Variants in SIN3A observed in about 807,000 individuals in gnomAD.
The protein encoded by SIN3A is SIN3 transcription regulator family member A.
SIN3A carries 14 observed loss-of-function variants against 146.1 expected under a neutral mutation model. That is an observed-to-expected ratio of 0.10 (90% CI 0.06 to 0.15). The LOEUF is 0.15. SIN3A is among the 10% of genes least tolerant of loss of function. SIN3A has a pLI of 1.00. For synonymous variants in SIN3A, 572 were observed against 572.0 expected, an observed-to-expected ratio of 1.00 and a Z score of 0.00; for missense variants, 1,028 against 1,576.0, an observed-to-expected ratio of 0.65 and a Z score of 5.89.
intron 6 of SIN3A, 86 bp from the exon 7 acceptor site, chr15:75,410,372 T>A (rs542059644): frequency 2.3e-6 from 3 of 1,305,992 alleles, no homozygotes; most frequent in Non-Finnish European, 3.2e-6. Context: ...CACTGTTATC[T>A]ATTTAGGCTG....
rs183193797 is a variant in SIN3A, at chr15:75,378,146, C to T, written c.3384-2274G>A. Among the ~76,000 whole-genome samples the T allele has an allele frequency of 3.9e-5, 6 of 152,120 alleles. No individual in the cohort carries two copies. The East Asian group carries it at 7.7e-4, about 20-fold the overall frequency. On this transcript the variant is annotated intron_variant, in intron 19 of 20. Transcript: ENST00000394947. ...AACTTATTTTCCAAATAGCCAATTG[C>T]GTAAAGTTACAAAATCATAGAGGAA...
chr15:75,444,789 A>G (rs952912314), intron 1 of SIN3A, among the ~76,000 whole-genome samples: 4 of 152,218 alleles, frequency 2.6e-5, no homozygotes, highest in African/African-American at 7.2e-5. Flanking sequence ...ATTGTTATCA[A>G]TGTTGATTTT....
chr15:75,454,745 A>T (rs570533937), upstream of SIN3A, among the ~76,000 whole-genome samples: 1 of 150,684 alleles, frequency 6.6e-6, no homozygotes, highest in South Asian at 2.1e-4. Flanking sequence ...GGGAAGGGGG[A>T]GCCCGGCGGC....
chr15:75,433,296 G>A (rs1300142892), intron 1 of SIN3A, among the ~76,000 whole-genome samples: 2 of 152,168 alleles, frequency 1.3e-5, no homozygotes, highest in African/African-American at 4.8e-5. Flanking sequence ...CTACATTAGT[G>A]ATTTCCAAAT....
upstream of SIN3A, chr15:75,454,971 G>C (rs2074467387): frequency 6.6e-6 from 1 of 152,182 alleles, no homozygotes; most frequent in South Asian, 2.1e-4. Flanking sequence ...GCCACGGCCA[G>C]GGAGTTTGGA....
rs550081730 is a variant in SIN3A, at chr15:75,370,308, T to C, written c.*1671A>G. On this transcript the variant is annotated 3_prime_UTR_variant, in exon 21 of 21. Transcript: ENST00000394947. ...AAAATCCAGGAGCCAAAAAATTTTGTTTTTCTTTTTGGTGGTGGTGGTGAT... is the reference window on the plus strand; with the variant it reads ...AAAATCCAGGAGCCAAAAAATTTTGCTTTTCTTTTTGGTGGTGGTGGTGAT... 2.0e-4 allele frequency: 31 copies of C among 152,140 alleles called. No homozygotes were observed. Among genetic ancestry groups the C allele is most frequent in the African/African-American group, 7.5e-4 (31 of 41,436 alleles). The allele number at this position is 152,140 out of a possible 1,614,324, so 9.4% of individuals were successfully genotyped here. A position where few individuals can be genotyped will look rare whatever the true frequency, so the allele number is the denominator to read the frequency against.
chr15:75,380,474 T>C (rs1476396239), intron 19 of SIN3A, among the ~76,000 whole-genome samples, 155 bp downstream of exon 19: 1 of 152,188 alleles, frequency 6.6e-6, no homozygotes, highest in East Asian at 1.9e-4. Context: ...GGTAAGCTCA[T>C]GTTGTGACAG....
In SIN3A at chr15:75,384,191, A is replaced by C. The variant is rs533972731; in HGVS notation, c.3195+73T>G. 752 of 1,295,826 alleles carry C rather than the reference A, an allele frequency of 5.8e-4. 13 individuals carry two copies. In the South Asian group the frequency reaches 1.0e-2, roughly 17 times the overall value. 80.3% of individuals were successfully genotyped at this position (1,295,826 alleles called of 1,614,324 possible). ...CACAGGTCAAAGTACCCCGGCTTTA[A>C]CTTCTGGTTCAGAGAATCCTAACAA... On this transcript the variant is annotated intron_variant, in intron 17 of 20. Coordinates refer to ENST00000394947, the MANE Select transcript of SIN3A (RefSeq NM_001145358.2).
At position 75,394,730 on chromosome 15, in the gene SIN3A, C is replaced by G; in HGVS notation, c.2227G>C (p.Val743Leu). Reference sequence around the variant, plus strand: ...TTGAGTAAGCTCTTAGACCTCAGGACCTTGGTGTCATTCTGTTTAAAGTTG... The same window carrying G: ...TTGAGTAAGCTCTTAGACCTCAGGAGCTTGGTGTCATTCTGTTTAAAGTTG... ...GINFKQNDTK[V>L]LRSKSLLNEI... is the part of the protein sequence containing the mutation. Residue 743 changes from valine to leucine, a missense_variant, in exon 14 of 21, where the codon GTC (valine) becomes CTC (leucine). Transcript: ENST00000394947. 1 of 1,614,056 alleles carries G rather than the reference C, an allele frequency of 6.2e-7. No individual in the cohort carries two copies. Among genetic ancestry groups the G allele is most frequent in the South Asian group, 1.1e-5 (1 of 91,078 alleles).
At chr15:75,376,600 T>C (rs2072859428) in intron 19 of SIN3A, among the ~76,000 whole-genome samples, 3 of 151,992 alleles carry the variant, frequency 2.0e-5, no homozygotes, top group Admixed American at 6.6e-5. Flanking sequence ...CTGTGGCTCA[T>C]GCCTATAATC....
At chr15:75,399,593 A>G (rs1345779857) in intron 12 of SIN3A, among the ~76,000 whole-genome samples, 1 of 152,180 alleles carries the variant, frequency 6.6e-6, no homozygotes, top group Non-Finnish European at 1.5e-5. Flanking sequence ...TACCAGAAAC[A>G]TGAAAGAAAA....
At chr15:75,372,248 G>T in intron 20 of SIN3A, 39 bp from the exon 21 acceptor site, 1 of 1,418,822 alleles carries the variant, frequency 7.0e-7, no homozygotes, top group Non-Finnish European at 9.5e-7. Flanking sequence ...AAATGAAGCA[G>T]AACCAAAAAA....
intron 8 of SIN3A, among the ~76,000 whole-genome samples, chr15:75,408,725 A>G (rs1174220485): frequency 6.6e-6 from 1 of 152,232 alleles, no homozygotes; most frequent in Non-Finnish European, 1.5e-5. Flanking sequence ...TGCCTTGGAG[A>G]TTAAGATGAT....
intron 4 of SIN3A, among the ~76,000 whole-genome samples, chr15:75,413,801 TATCCCAAACAAG>T (rs1555446628): frequency 6.6e-6 from 1 of 152,234 alleles, no homozygotes; most frequent in Non-Finnish European, 1.5e-5. Context: ...TAAAGCTACA[TATCCCAAACAAG>T]ATTCACTCTT....
At chr15:75,418,124 CG>C (rs1000911984) in intron 3 of SIN3A, among the ~76,000 whole-genome samples, 1 of 150,836 alleles carries the variant, frequency 6.6e-6, no homozygotes, top group African/African-American at 2.4e-5. Context: ...CTCCGCCTCC[CG>C]GGTTCAAGCG....
chr15:75,372,820 C>CAAAA (rs370930119), intron 20 of SIN3A, among the ~76,000 whole-genome samples: 12 of 79,522 alleles, frequency 1.5e-4, no homozygotes, highest in Non-Finnish European at 2.0e-4. Context: ...ACCCTGTCTC[C>CAAAA]AAAAAAAAAA....
intron 1 of SIN3A, among the ~76,000 whole-genome samples, chr15:75,443,876 C>T (rs1273944329): frequency 6.6e-6 from 1 of 152,142 alleles, no homozygotes; most frequent in Non-Finnish European, 1.5e-5. Context: ...ATACCACTGC[C>T]CTTCGGCCTG....
At chr15:75,399,531 AAAAC>A (rs2073371658) in intron 12 of SIN3A, among the ~76,000 whole-genome samples, 1 of 136,142 alleles carries the variant, frequency 7.3e-6, no homozygotes, top group African/African-American at 3.1e-5. Context: ...CCGTCTCAAA[AAAAC>A]AAAACAAAAC....
At chr15:75,405,066 C>T (rs1318648485) in intron 9 of SIN3A, among the ~76,000 whole-genome samples, 1 of 151,406 alleles carries the variant, frequency 6.6e-6, no homozygotes, top group Non-Finnish European at 1.5e-5. Flanking sequence ...TCACTTGAGC[C>T]CATCTCTTAA....
Sources: gnomAD v4.1 joint callset for allele counts (sites outside exome capture counted in the v4.1 genomes callset) on GRCh38, gnomAD v4.1.1 for gene constraint, MANE v1.5 for transcripts, NCBI Gene and HGNC (gene_info 2026-07-23, HGNC 2026-07-21) for gene names.